The following ARHGAP31 variants were observed in gnomAD, a reference collection of about 807,000 sequenced individuals.
ARHGAP31 encodes the protein rho GTPase-activating protein 31.
A neutral mutation model predicts 113.9 loss-of-function variants in ARHGAP31; 34 were observed. The observed-to-expected ratio is 0.30, with a 90% CI of 0.23 to 0.40. The LOEUF (loss-of-function observed/expected upper bound fraction) is 0.40. ARHGAP31 is among the 10% of genes least tolerant of loss of function. ARHGAP31 has a pLI of 1.00. For synonymous variants in ARHGAP31, 650 were observed against 684.8 expected, an observed-to-expected ratio of 0.95 and a Z score of 0.79; for missense variants, 1,548 against 1,767.1, an observed-to-expected ratio of 0.88 and a Z score of 2.22.
chr3:119,313,660 G>A (rs922558813), intron 1 of ARHGAP31, among the ~76,000 whole-genome samples: 2 of 152,338 alleles, frequency 1.3e-5, no homozygotes, highest in South Asian at 4.1e-4. Flanking sequence ...CTGAGGCTGA[G>A]AGCAGGGAAG....
intron 10 of ARHGAP31, among the ~76,000 whole-genome samples, chr3:119,405,787 T>C (rs1178348102): frequency 6.6e-6 from 1 of 152,214 alleles, no homozygotes; most frequent in Non-Finnish European, 1.5e-5. Flanking sequence ...AGAGATTTCT[T>C]GTAGTTTACA....
intron 1 of ARHGAP31, among the ~76,000 whole-genome samples, chr3:119,349,453 TG>T (rs2080091306): frequency 6.6e-6 from 1 of 152,178 alleles, no homozygotes; most frequent in African/African-American, 2.4e-5. Flanking sequence ...AAGCATCTCC[TG>T]GGGACAATTT....
intron 1 of ARHGAP31, among the ~76,000 whole-genome samples, chr3:119,322,252 T>C (rs2079794991): frequency 6.6e-6 from 1 of 152,232 alleles, no homozygotes; most frequent in Non-Finnish European, 1.5e-5. Context: ...AGAAGGGAGC[T>C]GGCTTTAGGG....
chr3:119,400,422 T>C (rs1478522560), intron 9 of ARHGAP31, among the ~76,000 whole-genome samples: 1 of 152,036 alleles, frequency 6.6e-6, no homozygotes, highest in Non-Finnish European at 1.5e-5. Flanking sequence ...TGCAGTGAGC[T>C]GAGATTGCGC....
At chr3:119,296,403 T>G (rs2079534636) in intron 1 of ARHGAP31, among the ~76,000 whole-genome samples, 1 of 152,216 alleles carries the variant, frequency 6.6e-6, no homozygotes. Flanking sequence ...TTTGAGTTTT[T>G]TTGAGTGTGA....
chr3:119,403,247 C>T lies in ARHGAP31; in HGVS notation c.1645+850C>T, dbSNP rs192281667. On this transcript the variant is annotated intron_variant, in intron 10 of 11. Coordinates refer to ENST00000264245, the MANE Select transcript of ARHGAP31 (RefSeq NM_020754.4). Reference sequence around the variant, plus strand: ...GTTGTCAGGCACTCTCCTAAGTGTCCTGCAAATATTATCTCATTTCTCCCC... The same window carrying T: ...GTTGTCAGGCACTCTCCTAAGTGTCTTGCAAATATTATCTCATTTCTCCCC... Among the ~76,000 whole-genome samples the T allele has an allele frequency of 4.1e-3, 617 of 152,264 alleles. 6 individuals carry two copies. Among genetic ancestry groups the T allele is most frequent in the Middle Eastern group, 0.02 (6 of 294 alleles).
intron 1 of ARHGAP31, among the ~76,000 whole-genome samples, chr3:119,300,119 C>T (rs1267303856): frequency 6.6e-6 from 1 of 152,202 alleles, no homozygotes; most frequent in Non-Finnish European, 1.5e-5. Flanking sequence ...TTGCTTGTTC[C>T]CAGCTGAGTG....
chr3:119,379,804 T>G (rs1034707156), intron 3 of ARHGAP31, among the ~76,000 whole-genome samples: 2 of 152,198 alleles, frequency 1.3e-5, no homozygotes, highest in Non-Finnish European at 2.9e-5. Context: ...CTGCACATTT[T>G]TAATATATGT....
At chr3:119,393,096 T>G (rs1229363910) in intron 7 of ARHGAP31, among the ~76,000 whole-genome samples, 1 of 152,294 alleles carries the variant, frequency 6.6e-6, no homozygotes, top group Middle Eastern at 3.4e-3. Context: ...ATAAAATGAA[T>G]GAATGGTGTC....
rs1460447379 is a variant in ARHGAP31, at chr3:119,419,579, A to C, written c.*3315A>C. Reference sequence around the variant, plus strand: ...CTAGTGAAAAAGGGGGAGGGATGGCAGCAAATAAAACACCCCCATAAACAA... The same window carrying C: ...CTAGTGAAAAAGGGGGAGGGATGGCCGCAAATAAAACACCCCCATAAACAA... On this transcript the variant is annotated 3_prime_UTR_variant, in exon 12 of 12. Transcript: ENST00000264245. The C allele has an allele frequency of 6.6e-6, 1 of 152,214 alleles. No homozygotes were observed. Among genetic ancestry groups the C allele is most frequent in the African/African-American group, 2.4e-5 (1 of 41,454 alleles). 9.4% of individuals were successfully genotyped at this position (152,214 alleles called of 1,614,324 possible). A position where few individuals can be genotyped will look rare whatever the true frequency, so the allele number is the denominator to read the frequency against.
At chr3:119,333,453 G>A (rs746200183) in intron 1 of ARHGAP31, among the ~76,000 whole-genome samples, 7 of 152,248 alleles carry the variant, frequency 4.6e-5, no homozygotes, top group African/African-American at 1.4e-4. Flanking sequence ...TGTTCATTAC[G>A]TTTACTCCAG....
chr3:119,328,939 A>G (rs540885074), intron 1 of ARHGAP31, among the ~76,000 whole-genome samples: 3 of 152,268 alleles, frequency 2.0e-5, no homozygotes, highest in Non-Finnish European at 4.4e-5. Flanking sequence ...AAATGAAACC[A>G]TGTAAGTAAA....
chr3:119,390,935 C>T lies in ARHGAP31; in HGVS notation c.833C>T (p.Pro278Leu), dbSNP rs1351575476. ...RRENSLPEIV[P>L]PMGTLFHTVL... ...GAGAACAGCCTGCCTGAGATTGTCC[C>T]TCCCATGGGCACCCTCTTCCACACT... Residue 278 changes from proline (P) to leucine (L), a missense_variant, in exon 7 of 12, where the codon CCT (proline) becomes CTT (leucine). By Grantham distance (98) the Pro-to-Leu change is moderately conservative. Transcript: ENST00000264245. 6.2e-7 allele frequency: 1 copy of T among 1,614,090 alleles called. No individual in the cohort carries two copies. Among genetic ancestry groups the T allele is most frequent in the African/African-American group, 1.3e-5 (1 of 74,940 alleles).
chr3:119,375,303 G>A (rs571851308), intron 3 of ARHGAP31, among the ~76,000 whole-genome samples: 12 of 152,272 alleles, frequency 7.9e-5, no homozygotes, highest in African/African-American at 2.4e-4. Flanking sequence ...AGGAAAAGCC[G>A]TTCCTTGCTC....
intron 3 of ARHGAP31, among the ~76,000 whole-genome samples, chr3:119,377,234 T>C (rs2080357365): frequency 6.6e-6 from 1 of 152,124 alleles, no homozygotes; most frequent in Admixed American, 6.5e-5. Flanking sequence ...GCTTGTGAAA[T>C]TTACATTTTA....
chr3:119,310,685 G>A (rs1318235926), intron 1 of ARHGAP31, among the ~76,000 whole-genome samples: 1 of 152,168 alleles, frequency 6.6e-6, no homozygotes, highest in African/African-American at 2.4e-5. Flanking sequence ...CACCACCATG[G>A]AAAAGTTGTC....
At chr3:119,365,024 G>A (rs919502437) in intron 1 of ARHGAP31, among the ~76,000 whole-genome samples, 4 of 152,106 alleles carry the variant, frequency 2.6e-5, no homozygotes, top group African/African-American at 9.7e-5. Context: ...AACCCAGGAG[G>A]TGGAGGTTGA....
At chr3:119,375,257 G>A (rs773885654) in intron 3 of ARHGAP31, among the ~76,000 whole-genome samples, 1 of 152,200 alleles carries the variant, frequency 6.6e-6, no homozygotes, top group Non-Finnish European at 1.5e-5. Flanking sequence ...CTGAAGTTAA[G>A]GTTTCAGCAG....
intron 1 of ARHGAP31, among the ~76,000 whole-genome samples, chr3:119,337,132 C>G (rs933189064): frequency 6.6e-6 from 1 of 152,136 alleles, no homozygotes; most frequent in African/African-American, 2.4e-5. Flanking sequence ...AGCTCTTGGT[C>G]TTGCTCACTT....
Sources: allele counts gnomAD v4.1 joint callset (sites outside exome capture counted in the v4.1 genomes callset), GRCh38; gene constraint gnomAD v4.1.1; transcripts MANE v1.5; gene names NCBI Gene and HGNC (gene_info 2026-07-23, HGNC 2026-07-21).